Variants in MYO9A observed in about 807,000 individuals in gnomAD.
MYO9A encodes unconventional myosin-IXa.
Under a neutral mutation model 293.3 loss-of-function variants are expected in MYO9A, and 103 were observed. That is an observed-to-expected ratio of 0.35 (90% CI 0.30 to 0.41). The LOEUF is 0.41. Ranked by LOEUF, MYO9A falls within the 10% of genes least tolerant of loss-of-function variation. The probability of loss-of-function intolerance (pLI) is 1.00; values close to 1 mark genes in which losing one functional copy is unlikely to be tolerated. For missense variants in MYO9A, 2,685 were observed against 3,033.0 expected, an observed-to-expected ratio of 0.89 and a Z score of 2.69; for synonymous variants, 1,001 against 1,035.7, an observed-to-expected ratio of 0.97 and a Z score of 0.64.
chr15:71,879,146 ATTC>A (rs1283875538), intron 30 of MYO9A, among the ~76,000 whole-genome samples: 2 of 152,180 alleles, frequency 1.3e-5, no homozygotes, highest in East Asian at 3.8e-4. Flanking sequence ...TAAAATATGA[ATTC>A]TTTTACAGAA....
intron 18 of MYO9A, among the ~76,000 whole-genome samples, chr15:71,929,748 T>C (rs1435361084): frequency 6.6e-6 from 1 of 152,236 alleles, no homozygotes; most frequent in African/African-American, 2.4e-5. Context: ...TGAATAGTGC[T>C]GCAATGAATG....
intron 19 of MYO9A, among the ~76,000 whole-genome samples, chr15:71,905,594 TG>T (rs1193481363): frequency 4.6e-5 from 7 of 151,920 alleles, no homozygotes. Context: ...GAGACCAGCC[TG>T]GCCAACATGG....
Position 71,848,911 on chromosome 15 carries a change from A to G in MYO9A, c.6771T>C (p.Asp2257=), listed in dbSNP as rs2055508539. The G allele has an allele frequency of 1.2e-6, 2 of 1,612,596 alleles. No individual in the cohort carries two copies. Among genetic ancestry groups the G allele is most frequent in the African/African-American group, 1.3e-5 (1 of 74,844 alleles). The part of the protein sequence containing the change: ...QMNKYKARLK[D]ISSLEFAENK... The stretch of plus-strand genomic sequence containing the variant: ...TCTCAGCAAATTCCAAGCTACTGAT[A>G]TCTTTGAGACGAGCCTTGTATTTAT... The change falls in exon 39 of 42, where the codon GAT becomes GAC. Residue 2257 remains aspartate, a synonymous_variant. Coordinates refer to ENST00000356056, the MANE Select transcript of MYO9A (RefSeq NM_006901.4).
At chr15:72,068,197 T>C (rs911318109) in intron 1 of MYO9A, among the ~76,000 whole-genome samples, 2 of 152,180 alleles carry the variant, frequency 1.3e-5, no homozygotes, top group African/African-American at 4.8e-5. Flanking sequence ...CATAAAGATA[T>C]TAAGTAAACA....
Position 72,021,037 on chromosome 15 carries a change from A to T in MYO9A, c.999-20T>A, listed in dbSNP as rs777553788. On this transcript the variant is annotated intron_variant, in intron 4 of 41. Transcript: ENST00000356056. ...TAGTTCCTGTGGGAAACAAAGAAGT[A>T]CAAGTTTCATAATGTGTGACTTATG... is the stretch of plus-strand genomic sequence containing the variant. The T allele has an allele frequency of 6.8e-7, 1 of 1,472,698 alleles. No individual in the cohort carries two copies. The highest frequency in any genetic ancestry group is 9.2e-7 in the Non-Finnish European group (1 of 1,091,192). The allele number at this position is 1,472,698 out of a possible 1,614,324, so 91.2% of individuals were successfully genotyped here.
chr15:72,084,965 T>A (rs1483506576), intron 1 of MYO9A, among the ~76,000 whole-genome samples: 1 of 152,208 alleles, frequency 6.6e-6, no homozygotes, highest in Non-Finnish European at 1.5e-5. Context: ...CTCTACATAA[T>A]CCCGTATTTC....
At chr15:72,038,383 C>T (rs986626750) in intron 2 of MYO9A, among the ~76,000 whole-genome samples, 4 of 152,000 alleles carry the variant, frequency 2.6e-5, no homozygotes, top group African/African-American at 9.7e-5. Flanking sequence ...ATATCCACCA[C>T]GAAAGACCAT....
intron 1 of MYO9A, among the ~76,000 whole-genome samples, chr15:72,054,727 T>TTTATTAG (rs1342703885): frequency 6.8e-6 from 1 of 147,738 alleles, no homozygotes; most frequent in Non-Finnish European, 1.5e-5. Flanking sequence ...GAGTGAAATG[T>TTTATTAG]TTATTAGTTA....
intron 26 of MYO9A, among the ~76,000 whole-genome samples, chr15:71,888,800 T>G (rs1217478863): frequency 6.6e-6 from 1 of 152,222 alleles, no homozygotes; most frequent in Non-Finnish European, 1.5e-5. Context: ...AGTTATAATA[T>G]TCTTTCTTTA....
At chr15:71,964,519 C>A (rs1286241899) in intron 13 of MYO9A, among the ~76,000 whole-genome samples, 1 of 150,714 alleles carries the variant, frequency 6.6e-6, no homozygotes, top group Admixed American at 6.7e-5. Context: ...CGATGGCTCA[C>A]ATCTGTAATC....
At chr15:72,104,301 G>A (rs1483254229) in intron 1 of MYO9A, among the ~76,000 whole-genome samples, 1 of 152,138 alleles carries the variant, frequency 6.6e-6, no homozygotes, top group Non-Finnish European at 1.5e-5. Context: ...TATTTGGTAG[G>A]TTAGGTGTAA....
At chr15:71,939,275 G>A (rs540113017) in intron 15 of MYO9A, among the ~76,000 whole-genome samples, 2 of 152,210 alleles carry the variant, frequency 1.3e-5, no homozygotes, top group East Asian at 1.9e-4. Context: ...CTCATGTAAC[G>A]GGGGTTTGTT....
chr15:71,994,736 T>C, intron 9 of MYO9A, 151 bp from the exon 10 acceptor site: 1 of 544,772 alleles, frequency 1.8e-6, no homozygotes, highest in South Asian at 3.1e-5. Flanking sequence ...AACTAAAGTT[T>C]TTTGTTTGTT....
intron 1 of MYO9A, among the ~76,000 whole-genome samples, chr15:72,052,843 G>A (rs2078606879): frequency 6.6e-6 from 1 of 152,194 alleles, no homozygotes; most frequent in Non-Finnish European, 1.5e-5. Flanking sequence ...TTTGGTAGGT[G>A]TGGGATCCAG....
In MYO9A at chr15:71,935,465, A is replaced by T; in HGVS notation, c.2398T>A (p.Trp800Arg). The change falls in exon 17 of 42, where the codon TGG becomes AGG. Residue 800 changes from tryptophan (W) to arginine (R), a missense_variant. Trp to Arg is a moderately radical substitution (Grantham distance 101). Around this residue, in one of 10 missense-constraint regions of MYO9A, gnomAD observed 1,434 missense variants for 1,497.7 expected, o/e 0.96. Coordinates refer to ENST00000356056, the MANE Select transcript of MYO9A (RefSeq NM_006901.4). ...KNQHDTFDIA[W>R]NGRTGIRQSR... is the part of the protein sequence containing the mutation. ...TGGCGAATCCCAGTTCTGCCATTCC[A>T]GGCAATATCAAATGTATCACTGTAA... The T allele has an allele frequency of 6.2e-7, 1 of 1,613,492 alleles. No individual in the cohort carries two copies. Among genetic ancestry groups the T allele is most frequent in the Non-Finnish European group, 8.5e-7 (1 of 1,179,582 alleles).
intron 1 of MYO9A, among the ~76,000 whole-genome samples, chr15:72,063,482 T>A (rs1395974019): frequency 6.6e-6 from 1 of 151,928 alleles, no homozygotes; most frequent in Admixed American, 6.6e-5. Flanking sequence ...TGGGAGAAAA[T>A]ATGTGCAAAC....
intron 39 of MYO9A, among the ~76,000 whole-genome samples, chr15:71,840,192 G>A (rs1284371115): frequency 2.0e-5 from 3 of 152,184 alleles, no homozygotes; most frequent in African/African-American, 7.2e-5. Context: ...AGGGGACCCT[G>A]GAAACAATAT....
chr15:72,090,336 T>G (rs2079867045), intron 1 of MYO9A, among the ~76,000 whole-genome samples: 1 of 152,180 alleles, frequency 6.6e-6, no homozygotes, highest in Non-Finnish European at 1.5e-5. Flanking sequence ...TCTTAAAAAT[T>G]TAGAATTGCA....
At chr15:71,883,846 G>T in intron 27 of MYO9A, 110 bp from the exon 28 acceptor site, 1 of 957,822 alleles carries the variant, frequency 1.0e-6, no homozygotes, top group Non-Finnish European at 1.5e-6. Flanking sequence ...GCTCATTTAA[G>T]CTTCACATTT....
Sources: gnomAD v4.1 joint callset for allele counts (sites outside exome capture counted in the v4.1 genomes callset) on GRCh38, gnomAD v4.1.1 for gene constraint, gnomAD v4.1.1 regional missense constraint, MANE v1.5 for transcripts, NCBI Gene and HGNC (gene_info 2026-07-23, HGNC 2026-07-21) for gene names.